The following VKORC1L1 variants were observed in gnomAD, a reference collection of about 807,000 sequenced individuals.
The protein encoded by VKORC1L1 is vitamin K epoxide reductase complex subunit 1-like protein 1.
A neutral mutation model predicts 18.9 loss-of-function variants in VKORC1L1; 2 were observed. That is an observed-to-expected ratio of 0.11 (90% CI 0.04 to 0.33). The LOEUF (loss-of-function observed/expected upper bound fraction) is 0.33. VKORC1L1 is among the 10% of genes least tolerant of loss of function. The pLI, the probability that VKORC1L1 is intolerant of heterozygous loss-of-function variation, is 1.00. For synonymous variants in VKORC1L1, 96 were observed against 100.0 expected (o/e 0.96, Z 0.24); for missense variants, 123 against 224.1 (o/e 0.55, Z 2.88).
intron 1 of VKORC1L1, among the ~76,000 whole-genome samples, chr7:65,945,322 GA>G (rs1444124528): frequency 6.6e-6 from 1 of 151,224 alleles, no homozygotes; most frequent in Admixed American, 6.6e-5. Context: ...AAATAAGAGT[GA>G]AAACAGGGCC....
At position 65,956,644 on chromosome 7, in the gene VKORC1L1, CCAGTGTCTCAGTAA is replaced by C. The variant is rs1172248207; in HGVS notation, c.*2348_*2361del. On this transcript the variant is annotated 3_prime_UTR_variant, in exon 3 of 3. Coordinates refer to ENST00000360768, the MANE Select transcript of VKORC1L1 (RefSeq NM_173517.6). The stretch of plus-strand genomic sequence containing the variant: ...TGCCTGTCATAACAGCATTGTAATG[CCAGTGTCTCAGTAA>C]CAGAATCCTGGTGGGTGTTAATTGG... 2.6e-5 allele frequency: 4 copies of C among 152,164 alleles called. No homozygotes were observed. In the East Asian group the frequency reaches 7.7e-4, roughly 29 times the overall value. 9.4% of individuals were successfully genotyped at this position (152,164 alleles called of 1,614,324 possible). A position where few individuals can be genotyped will look rare whatever the true frequency, so the allele number is the denominator to read the frequency against.
At chr7:65,866,951 G>A in the VKORC1L1 span, among the ~76,000 whole-genome samples, 8 of 152,156 alleles carry the variant, frequency 5.3e-5, no homozygotes, top group Non-Finnish European at 1.0e-4. Context: ...AGCACTTTCG[G>A]AGGCCGAGGT....
chr7:65,884,702 A>G (rs1032825490), intron 1 of VKORC1L1, among the ~76,000 whole-genome samples: 1 of 152,220 alleles, frequency 6.6e-6, no homozygotes, highest in African/African-American at 2.4e-5. Context: ...GGAATAGAAT[A>G]TTAGGTGCCC....
At chr7:65,933,259 A>G (rs1177323422) in intron 1 of VKORC1L1, among the ~76,000 whole-genome samples, 1 of 151,822 alleles carries the variant, frequency 6.6e-6, no homozygotes, top group Non-Finnish European at 1.5e-5. Context: ...TTGTGGATTT[A>G]TTCTTTCTTT....
chr7:65,949,083 G>T (rs909795684), intron 2 of VKORC1L1, among the ~76,000 whole-genome samples: 2 of 152,030 alleles, frequency 1.3e-5, no homozygotes, highest in Non-Finnish European at 2.9e-5. Flanking sequence ...TAGACTCAGT[G>T]GCCTTGAAAA....
chr7:65,923,196 G>T (rs892002772), intron 1 of VKORC1L1, among the ~76,000 whole-genome samples: 1 of 152,084 alleles, frequency 6.6e-6, no homozygotes, highest in African/African-American at 2.4e-5. Flanking sequence ...GAGCCCTGAC[G>T]TTCAAGACCA....
At chr7:65,911,780 C>T (rs1367418046) in intron 1 of VKORC1L1, among the ~76,000 whole-genome samples, 1 of 152,100 alleles carries the variant, frequency 6.6e-6, no homozygotes, top group African/African-American at 2.4e-5. Context: ...CTGACCCTGT[C>T]GTGGATTCAT....
chr7:65,953,387 A>G (rs1283804636), intron 2 of VKORC1L1, among the ~76,000 whole-genome samples: 1 of 152,228 alleles, frequency 6.6e-6, no homozygotes, highest in Non-Finnish European at 1.5e-5. Flanking sequence ...GGTTCTCACC[A>G]AATGTGTGCA....
At chr7:65,947,992 A>C (rs535005577) in intron 1 of VKORC1L1, among the ~76,000 whole-genome samples, 1 of 152,286 alleles carries the variant, frequency 6.6e-6, no homozygotes, top group East Asian at 1.9e-4. Flanking sequence ...CCGGCCCTAC[A>C]TTTAAAAAAT....
chr7:65,871,244 G>A (rs140899066), upstream of VKORC1L1, among the ~76,000 whole-genome samples: 2,419 of 151,988 alleles, frequency 0.016, 51 homozygotes, highest in East Asian at 0.088. Context: ...AAGCCAGGCT[G>A]GAGTGCAATG....
chr7:65,881,716 G>A lies in VKORC1L1; in HGVS notation c.194+8151G>A, dbSNP rs181674785. Among the ~76,000 whole-genome samples the A allele has an allele frequency of 1.2e-4, 18 of 152,298 alleles. No individual in the cohort carries two copies. The East Asian group carries it at 3.3e-3, about 28-fold the overall frequency. ...TAAACTCAGGATTGGAGGAATTTGG[G>A]CGAGGGTACTTGGGACCTCCCTGTG... On this transcript the variant is annotated intron_variant, in intron 1 of 2. Coordinates refer to ENST00000360768, the MANE Select transcript of VKORC1L1 (RefSeq NM_173517.6).
At position 65,955,196 on chromosome 7, in the gene VKORC1L1, A is replaced by T. The variant is rs1164515079; in HGVS notation, c.*896A>T. 6.6e-6 allele frequency: 1 copy of T among 152,168 alleles called. No homozygotes were observed. Among genetic ancestry groups the T allele is most frequent in the African/African-American group, 2.4e-5 (1 of 41,432 alleles). The allele number at this position is 152,168 out of a possible 1,614,324, so 9.4% of individuals were successfully genotyped here. On this transcript the variant is annotated 3_prime_UTR_variant, in exon 3 of 3. Coordinates refer to ENST00000360768, the MANE Select transcript of VKORC1L1 (RefSeq NM_173517.6). ...GAAAAGCTGGAAATATAAACATGGCATTTTTAGGTAAAGTTTCTTCCACTA... is the reference window on the plus strand; with the variant it reads ...GAAAAGCTGGAAATATAAACATGGCTTTTTTAGGTAAAGTTTCTTCCACTA...
At chr7:65,952,266 A>C (rs1790223611) in intron 2 of VKORC1L1, among the ~76,000 whole-genome samples, 1 of 152,252 alleles carries the variant, frequency 6.6e-6, no homozygotes, top group African/African-American at 2.4e-5. Context: ...CCTGGCAGAA[A>C]ATAGGCTTTG....
chr7:65,907,473 C>T (rs1323602804), intron 1 of VKORC1L1, among the ~76,000 whole-genome samples: 1 of 152,026 alleles, frequency 6.6e-6, no homozygotes, highest in Non-Finnish European at 1.5e-5. Flanking sequence ...ATTTAAATAT[C>T]TTTCCTCATA....
intron 1 of VKORC1L1, among the ~76,000 whole-genome samples, chr7:65,898,740 G>A (rs915645441): frequency 6.6e-6 from 1 of 151,920 alleles, no homozygotes; most frequent in Non-Finnish European, 1.5e-5. Context: ...CATTTTTAAG[G>A]GTACTGCTCA....
intron 1 of VKORC1L1, among the ~76,000 whole-genome samples, chr7:65,898,308 A>G (rs966153613): frequency 2.0e-5 from 3 of 150,054 alleles, no homozygotes; most frequent in African/African-American, 7.4e-5. Flanking sequence ...CTGGTCTTGA[A>G]CTCCTGACTT....
intron 1 of VKORC1L1, among the ~76,000 whole-genome samples, chr7:65,947,555 C>T (rs1452179827): frequency 1.3e-5 from 2 of 151,592 alleles, no homozygotes; most frequent in Admixed American, 6.6e-5. Context: ...TAAAAAAAAT[C>T]AGGTTTTAAA....
At chr7:65,917,731 C>G (rs1220347930) in intron 1 of VKORC1L1, among the ~76,000 whole-genome samples, 1 of 152,172 alleles carries the variant, frequency 6.6e-6, no homozygotes, top group African/African-American at 2.4e-5. Context: ...AAAACTTTCT[C>G]CTAAGTACTT....
In VKORC1L1 at chr7:65,957,136, A is replaced by G. The variant is rs965824256; in HGVS notation, c.*2836A>G. ...TCCTTCATACATGTGTCCTCTCCTT[A>G]AATTCATTACTTTCAAATGATGTTC... On this transcript the variant is annotated 3_prime_UTR_variant, in exon 3 of 3. Transcript: ENST00000360768. 5.3e-5 allele frequency: 8 copies of G among 152,236 alleles called. No individual in the cohort carries two copies. The highest frequency in any genetic ancestry group is 1.0e-4 in the Non-Finnish European group (7 of 68,044). 9.4% of individuals were successfully genotyped at this position (152,236 alleles called of 1,614,324 possible). A position where few individuals can be genotyped will look rare whatever the true frequency, so the allele number is the denominator to read the frequency against.
Sources: allele counts gnomAD v4.1 joint callset (sites outside exome capture counted in the v4.1 genomes callset), GRCh38; gene constraint gnomAD v4.1.1; transcripts MANE v1.5; gene names NCBI Gene and HGNC (gene_info 2026-07-23, HGNC 2026-07-21).